The following CEP135 variants were observed in gnomAD, a reference collection of about 807,000 sequenced individuals.
CEP135 encodes centrosomal protein of 135 kDa.
A neutral mutation model predicts 157.3 loss-of-function variants in CEP135; 142 were observed. That is an observed-to-expected ratio of 0.90 (90% confidence interval 0.79 to 1.04). The LOEUF (loss-of-function observed/expected upper bound fraction) is 1.04, where lower values mean the gene tolerates loss of function less well. Among genes scored for constraint, CEP135 ranks in the 50% least tolerant of loss-of-function variants. The pLI, the probability that CEP135 is intolerant of heterozygous loss-of-function variation, is 0.00. For synonymous variants in CEP135, 396 were observed against 439.8 expected, an observed-to-expected ratio of 0.90 and a Z score of 1.25; for missense variants, 1,317 against 1,309.2, an observed-to-expected ratio of 1.01 and a Z score of -0.09.
intron 2 of CEP135, 129 bp downstream of exon 2, chr4:55,952,372 G>GT: frequency 3.2e-6 from 2 of 617,806 alleles, no homozygotes; most frequent in East Asian, 2.8e-5. Context: ...AAGCTTATCT[G>GT]TTTTTTCCCT....
Position 56,009,732 on chromosome 4 carries a change from C to G in CEP135, c.2337-3C>G. 6.3e-7 allele frequency: 1 copy of G among 1,594,248 alleles called. No homozygotes were observed. Among genetic ancestry groups the G allele is most frequent in the Non-Finnish European group, 8.5e-7 (1 of 1,174,862 alleles). ...TATTAGTTTCACATCACTCATTTAA[C>G]AGCCAGCTGAAAGAAACATTGGTTA... On this transcript the variant is annotated splice_region_variant and splice_polypyrimidine_tract_variant and intron_variant, in intron 18 of 25. Transcript: ENST00000257287.
intron 10 of CEP135, among the ~76,000 whole-genome samples, chr4:55,971,893 G>A (rs1287890189): frequency 6.6e-6 from 1 of 152,176 alleles, no homozygotes; most frequent in Non-Finnish European, 1.5e-5. Context: ...GCTCACACCT[G>A]TAATCCTAGC....
At chr4:55,966,114 T>C in intron 8 of CEP135, 1 of 371,010 alleles carries the variant, frequency 2.7e-6, no homozygotes, top group East Asian at 5.1e-5. Flanking sequence ...CTAGTCTGTT[T>C]TCCTTCACGA....
In CEP135 at chr4:55,968,951, C is replaced by G. The variant is rs1040636507; in HGVS notation, c.1045-112C>G. On this transcript the variant is annotated intron_variant, in intron 8 of 25. Coordinates refer to ENST00000257287, the MANE Select transcript of CEP135 (RefSeq NM_025009.5). ...AATTGATAGGGATAAAGCCTCAGAT[C>G]TCACTGGTAAGAGGGAACGTGAAGT... The G allele has an allele frequency of 2.7e-5, 18 of 676,994 alleles. No homozygotes were observed. In the African/African-American group the frequency reaches 3.2e-4, roughly 12 times the overall value. The allele number at this position is 676,994 out of a possible 1,614,324, so 41.9% of individuals were successfully genotyped here. A position where few individuals can be genotyped will look rare whatever the true frequency, so the allele number is the denominator to read the frequency against.
At chr4:56,013,739 A>C (rs1022784648) in intron 21 of CEP135, among the ~76,000 whole-genome samples, 1 of 152,146 alleles carries the variant, frequency 6.6e-6, no homozygotes, top group Admixed American at 6.5e-5. Flanking sequence ...ATAGTTTTAT[A>C]ATTTTTATCT....
At chr4:55,975,332 A>T (rs888840142) in intron 11 of CEP135, among the ~76,000 whole-genome samples, 1 of 152,174 alleles carries the variant, frequency 6.6e-6, no homozygotes, top group Non-Finnish European at 1.5e-5. Flanking sequence ...TATGCATGGC[A>T]GGCAACATGG....
In CEP135 at chr4:56,011,466, A is replaced by G; in HGVS notation, c.2560A>G (p.Arg854Gly). Residue 854 changes from arginine to glycine, a missense_variant, in exon 20 of 26, where the codon AGA (arginine) becomes GGA (glycine). Physicochemically the swap from Arg to Gly is moderately radical, Grantham distance 125. Transcript: ENST00000257287. ...GCAAGAAAAAGAAGAAATGAAGAGC[A>G]GAGTTCATAAATACATAACAGAGGT... ...AVQEKEEMKS[R>G]VHKYITEVSR... The G allele has an allele frequency of 6.2e-7, 1 of 1,612,872 alleles. No homozygotes were observed. Among genetic ancestry groups the G allele is most frequent in the Non-Finnish European group, 8.5e-7 (1 of 1,179,724 alleles).
At chr4:55,960,105 G>A in intron 6 of CEP135, 1 of 366,378 alleles carries the variant, frequency 2.7e-6, no homozygotes, top group South Asian at 9.7e-5. Flanking sequence ...TTTTTGTTTG[G>A]TTTTTCTTTT....
chr4:55,993,263 G>T (rs1286691979), intron 15 of CEP135, among the ~76,000 whole-genome samples: 1 of 152,040 alleles, frequency 6.6e-6, no homozygotes, highest in Non-Finnish European at 1.5e-5. Context: ...AAAAAACTAG[G>T]AATCACAAAA....
rs760414116 is a variant in CEP135 at position 56,019,462 on chromosome 4, G to A, written c.3122G>A (p.Arg1041Lys). The change falls in exon 23 of 26, where the codon AGA becomes AAA. Residue 1041 changes from arginine (R) to lysine (K), a missense_variant. Arg to Lys is a conservative substitution (Grantham distance 26, BLOSUM62 2). Coordinates refer to ENST00000257287, the MANE Select transcript of CEP135 (RefSeq NM_025009.5). ...CTCGAATCATTGTTGGCTACAAACAGAGATAAAGAATTTCATTCTCACTTA... is the reference window on the plus strand; with the variant it reads ...CTCGAATCATTGTTGGCTACAAACAAAGATAAAGAATTTCATTCTCACTTA... Reference protein sequence around the residue: ...KNLESLLATNRDKEFHSHLTS... With the variant: ...KNLESLLATNKDKEFHSHLTS... 11 of 1,613,830 alleles carry A rather than the reference G, an allele frequency of 6.8e-6. No homozygotes were observed. Among genetic ancestry groups the A allele is most frequent in the Non-Finnish European group, 9.3e-6 (11 of 1,179,902 alleles).
intron 6 of CEP135, chr4:55,960,984 T>G (rs1359116085): frequency 1.4e-5 from 2 of 143,846 alleles, no homozygotes; most frequent in African/African-American, 5.2e-5. Context: ...TGTGTGCCTG[T>G]AATCCCAGCT....
chr4:55,997,824 G>T (rs1730026714), intron 15 of CEP135, among the ~76,000 whole-genome samples: 1 of 152,156 alleles, frequency 6.6e-6, no homozygotes, highest in Non-Finnish European at 1.5e-5. Flanking sequence ...ATATCCCATG[G>T]AACAGCAGTT....
At chr4:55,993,244 C>T (rs955309925) in intron 15 of CEP135, among the ~76,000 whole-genome samples, 1 of 152,126 alleles carries the variant, frequency 6.6e-6, no homozygotes, top group East Asian at 1.9e-4. Context: ...AGACATAGTT[C>T]CAATATACAA....
At chr4:55,976,203 A>T (rs888372612) in intron 11 of CEP135, among the ~76,000 whole-genome samples, 5 of 151,652 alleles carry the variant, frequency 3.3e-5, no homozygotes, top group African/African-American at 1.2e-4. Context: ...GCAGTGAGCC[A>T]TGATCTCGTC....
intron 13 of CEP135, among the ~76,000 whole-genome samples, chr4:55,983,284 C>G (rs1167069492): frequency 2.0e-5 from 3 of 152,182 alleles, no homozygotes; most frequent in African/African-American, 7.2e-5. Flanking sequence ...TGCAGTAGTA[C>G]TGAAAACTTG....
intron 17 of CEP135, among the ~76,000 whole-genome samples, chr4:56,007,262 A>T (rs1035916021): frequency 2.0e-5 from 3 of 152,130 alleles, no homozygotes; most frequent in African/African-American, 7.2e-5. Flanking sequence ...ATTTCATTAT[A>T]CTTTTTTTCC....
At chr4:55,970,370 A>T (rs970293731) in intron 9 of CEP135, among the ~76,000 whole-genome samples, 2 of 152,160 alleles carry the variant, frequency 1.3e-5, no homozygotes, top group African/African-American at 4.8e-5. Context: ...CTGGGTAGTC[A>T]CCCAAATGAT....
At chr4:55,982,527 G>A (rs189045802) in intron 13 of CEP135, among the ~76,000 whole-genome samples, 2 of 152,272 alleles carry the variant, frequency 1.3e-5, no homozygotes, top group African/African-American at 4.8e-5. Flanking sequence ...GGCTAATGAG[G>A]TTGAGCATCT....
intron 17 of CEP135, among the ~76,000 whole-genome samples, chr4:56,000,283 A>G (rs1187616444): frequency 6.6e-6 from 1 of 152,222 alleles, no homozygotes; most frequent in Non-Finnish European, 1.5e-5. Flanking sequence ...TGAGACATTC[A>G]TATAATCAAG....
Sources: allele counts gnomAD v4.1 joint callset (sites outside exome capture counted in the v4.1 genomes callset), GRCh38; gene constraint gnomAD v4.1.1; transcripts MANE v1.5; gene names NCBI Gene and HGNC (gene_info 2026-07-23, HGNC 2026-07-21).